The following DGKQ variants were observed in gnomAD, a reference collection of about 807,000 sequenced individuals.
DGKQ encodes diacylglycerol kinase theta, also known as DAG kinase theta.
A neutral mutation model predicts 104.2 loss-of-function variants in DGKQ; 97 were observed. That is an observed-to-expected ratio of 0.93 (90% CI 0.79 to 1.10). DGKQ has a LOEUF of 1.10. Among genes scored for constraint, DGKQ ranks in the 50% least tolerant of loss-of-function variants. The probability of loss-of-function intolerance (pLI) is 0.00; values close to 1 mark genes in which losing one functional copy is unlikely to be tolerated. For synonymous variants in DGKQ, 736 were observed against 595.2 expected (o/e 1.24, Z -3.44); for missense variants, 1,465 against 1,352.1 (o/e 1.08, Z -1.31).
intron 20 of DGKQ, 22 bp downstream of exon 20, chr4:961,666 G>C (rs754207759): frequency 1.9e-6 from 3 of 1,611,816 alleles, no homozygotes; most frequent in African/African-American, 2.7e-5. Context: ...CAGAGCCTCT[G>C]GGGAGCCCCG....
intron 2 of DGKQ, 80 bp downstream of exon 2, chr4:970,913 A>T: frequency 1.8e-6 from 2 of 1,120,878 alleles, no homozygotes; most frequent in East Asian, 2.6e-5. Context: ...TCTGACATGA[A>T]GGTTTTCAGT....
rs759615805 is a variant in DGKQ at position 966,818 on chromosome 4, T to A, written c.1312-16A>T. The A allele has an allele frequency of 1.8e-5, 29 of 1,606,316 alleles. No individual in the cohort carries two copies. The highest frequency in any genetic ancestry group is 2.2e-5 in the Non-Finnish European group (26 of 1,177,090). Reference sequence around the variant, plus strand: ...GACTCTCGGCCTGTTGGGGTAGAGCTTGGCATCGGGTCTGGGCAGGCCCCC... The same window carrying A: ...GACTCTCGGCCTGTTGGGGTAGAGCATGGCATCGGGTCTGGGCAGGCCCCC... On this transcript the variant is annotated splice_polypyrimidine_tract_variant and intron_variant, in intron 10 of 22. Transcript: ENST00000273814.
rs1006617207 is a variant in DGKQ, at chr4:961,357, C to A, written c.2574+110G>T. 1.2e-5 allele frequency: 15 copies of A among 1,290,158 alleles called. No homozygotes were observed. The East Asian group carries it at 3.5e-4, about 30-fold the overall frequency. The allele number at this position is 1,290,158 out of a possible 1,614,324, so 79.9% of individuals were successfully genotyped here. ...GAGGCCAGCCGGGCTCAGCGGGGAC[C>A]GGGGACGCCCACCCTGGACCTGGCC... is the stretch of plus-strand genomic sequence containing the variant. On this transcript the variant is annotated intron_variant, in intron 21 of 22. Coordinates refer to ENST00000273814, the MANE Select transcript of DGKQ (RefSeq NM_001347.4).
chr4:968,645 C>T (rs1055981759), intron 3 of DGKQ, 81 bp from the exon 4 acceptor site: 13 of 1,433,304 alleles, frequency 9.1e-6, no homozygotes, highest in African/African-American at 1.4e-5. Context: ...TGCCCCATCC[C>T]CACCACCTAG....
Position 971,792 on chromosome 4 carries a change from G to T in DGKQ, c.272-720C>A, listed in dbSNP as rs1463769629. ...GGCTGCGGGGGCTGGGAGTGGGCAG[G>T]GCACCCAGTGACACAACTGCCAAGA... is the stretch of plus-strand genomic sequence containing the variant. On this transcript the variant is annotated intron_variant, in intron 1 of 22. Transcript: ENST00000273814. The surrounding 1 kb of genome is among the most constrained non-coding windows in gnomAD (Gnocchi z 4.0). Among the ~76,000 whole-genome samples the T allele has an allele frequency of 1.3e-5, 2 of 152,234 alleles. No individual in the cohort carries two copies. Among genetic ancestry groups the T allele is most frequent in the East Asian group, 3.9e-4 (2 of 5,174 alleles).
At chr4:968,171 G>C in intron 5 of DGKQ, 111 bp downstream of exon 5, 1 of 697,914 alleles carries the variant, frequency 1.4e-6, no homozygotes, top group Non-Finnish European at 2.1e-6. Flanking sequence ...GCACCCACCT[G>C]GAACCCGCGC....
intron 15 of DGKQ, among the ~76,000 whole-genome samples, chr4:963,842 A>G (rs576246074): frequency 6.6e-6 from 1 of 152,298 alleles, no homozygotes; most frequent in East Asian, 1.9e-4. Context: ...GTACCCAGGG[A>G]TCTAGACACA....
chr4:967,997 G>C lies in DGKQ; in HGVS notation c.694C>G (p.Pro232Ala), dbSNP rs941315101. Residue 232 changes from proline (P) to alanine (A), a missense_variant, in exon 6 of 23, where the codon CCC (proline) becomes GCC (alanine). Physicochemically the swap from Pro to Ala is conservative, Grantham distance 27. Transcript: ENST00000273814. Reference sequence around the variant, plus strand: ...CGCAGACGCCCGAAGCCACACTCGGGAGCCAGCGCCGCGGAGCAGAGGGAG... The same window carrying C: ...CGCAGACGCCCGAAGCCACACTCGGCAGCCAGCGCCGCGGAGCAGAGGGAG... ...AHSLCSAALA[P>A]ECGFGRLRSL... 16 of 1,462,994 alleles carry C rather than the reference G, an allele frequency of 1.1e-5. No individual in the cohort carries two copies. The East Asian group carries it at 4.3e-4, about 39-fold the overall frequency. The allele number at this position is 1,462,994 out of a possible 1,614,324, so 90.6% of individuals were successfully genotyped here.
chr4:967,898 C>T lies in DGKQ; in HGVS notation c.793G>A (p.Val265Met), dbSNP rs1159111736. The change falls in exon 6 of 23, where the codon GTG becomes ATG. Residue 265 changes from valine (V) to methionine (M), a missense_variant. Val to Met is a conservative substitution (Grantham distance 21). Transcript: ENST00000273814. ...ACCTCACCCGGCTCCGCGGCCTCCA[C>T]GATGCGGAAGCTCTGCGTCTTGCTG... ...GFSKTQSFRI[V>M]EAAEPGEGGD... The T allele has an allele frequency of 6.9e-6, 10 of 1,451,920 alleles. No individual in the cohort carries two copies. The highest frequency in any genetic ancestry group is 9.0e-6 in the Non-Finnish European group (10 of 1,110,286). 89.9% of individuals were successfully genotyped at this position (1,451,920 alleles called of 1,614,324 possible). A position where few individuals can be genotyped will look rare whatever the true frequency, so the allele number is the denominator to read the frequency against.
chr4:965,638 G>A (rs1218342935), intron 13 of DGKQ, 109 bp from the exon 14 acceptor site: 2 of 1,283,334 alleles, frequency 1.6e-6, no homozygotes, highest in Admixed American at 2.1e-5. Flanking sequence ...CCCAAAGGCA[G>A]CCTCCCCAGG....
chr4:968,432 C>A, intron 4 of DGKQ, 25 bp from the exon 5 acceptor site: 1 of 1,587,524 alleles, frequency 6.3e-7, no homozygotes, highest in Non-Finnish European at 8.6e-7. Context: ...CAGTCAGCAG[C>A]TGGGCCCGCC....
chr4:963,057 C>T, intron 16 of DGKQ, 82 bp downstream of exon 16: 1 of 1,493,470 alleles, frequency 6.7e-7, no homozygotes, highest in East Asian at 2.4e-5. Flanking sequence ...GGAGCTCCTG[C>T]CGGCCGAGAC....
In DGKQ at chr4:967,963, A is replaced by G; in HGVS notation, c.728T>C (p.Val243Ala). Reference protein sequence around the residue: ...ECGFGRLRSLVLPPACVRLLP... With the variant: ...ECGFGRLRSLALPPACVRLLP... ...AAGGCGCACGCACGCGGGAGGCAGG[A>G]CCAGGGAGCGCAGACGCCCGAAGCC... The change falls in exon 6 of 23, where the codon GTC (valine) becomes GCC (alanine). Residue 243 changes from valine (V) to alanine (A), a missense_variant. Val to Ala is a moderately conservative substitution (Grantham distance 64, BLOSUM62 0). Transcript: ENST00000273814. 1.3e-6 allele frequency: 2 copies of G among 1,487,426 alleles called. No individual in the cohort carries two copies. The highest frequency in any genetic ancestry group is 1.8e-6 in the Non-Finnish European group (2 of 1,126,928). The allele number at this position is 1,487,426 out of a possible 1,614,324, so 92.1% of individuals were successfully genotyped here. A position where few individuals can be genotyped will look rare whatever the true frequency, so the allele number is the denominator to read the frequency against.
At chr4:972,844 G>GA (rs1713042027) in intron 1 of DGKQ, among the ~76,000 whole-genome samples, 1 of 152,218 alleles carries the variant, frequency 6.6e-6, no homozygotes, top group Non-Finnish European at 1.5e-5. Context: ...CACAGCATGA[G>GA]AAGGGCTAGG....
Position 966,096 on chromosome 4 carries a change from G to T in DGKQ, c.1429-18C>A, listed in dbSNP as rs765590591. 1 of 1,585,464 alleles carries T rather than the reference G, an allele frequency of 6.3e-7. No individual in the cohort carries two copies. The highest frequency in any genetic ancestry group is 1.1e-5 in the South Asian group (1 of 87,542). On this transcript the variant is annotated intron_variant, in intron 12 of 22. Coordinates refer to ENST00000273814, the MANE Select transcript of DGKQ (RefSeq NM_001347.4). ...ACAGACATCTGCAGGGAGAGGGGCGGGGATGCTGGGCCGGGGAGAACGGCA... is the reference window on the plus strand; with the variant it reads ...ACAGACATCTGCAGGGAGAGGGGCGTGGATGCTGGGCCGGGGAGAACGGCA...
In DGKQ at chr4:967,572, G is replaced by A. The variant is rs781004784; in HGVS notation, c.964C>T (p.Leu322=). 2 of 1,612,644 alleles carry A rather than the reference G, an allele frequency of 1.2e-6. No individual in the cohort carries two copies. Among genetic ancestry groups the A allele is most frequent in the South Asian group, 1.1e-5 (1 of 91,084 alleles). ...SQFRLVTVSR[L]AGAEEVLEAA... ...ACCAGCACCTCCTCGGCACCGGCCA[G>A]GCGGGACACCGTGACGAGGCGGAAC... is the stretch of plus-strand genomic sequence containing the variant. The change falls in exon 8 of 23, where the codon CTG becomes TTG. Residue 322 remains leucine, a synonymous_variant. Transcript: ENST00000273814.
At chr4:965,797 T>C (rs1276199856) in intron 13 of DGKQ, 131 bp downstream of exon 13, 1 of 1,089,340 alleles carries the variant, frequency 9.2e-7, no homozygotes, top group Non-Finnish European at 1.3e-6. Flanking sequence ...GGAAGAGACG[T>C]GGGCTGGACC....
Position 968,365 on chromosome 4 carries a change from C to T in DGKQ, c.580G>A (p.Gly194Arg), listed in dbSNP as rs1386528346. The T allele has an allele frequency of 6.4e-7, 1 of 1,557,122 alleles. No individual in the cohort carries two copies. Among genetic ancestry groups the T allele is most frequent in the South Asian group, 1.2e-5 (1 of 84,966 alleles). Residue 194 changes from glycine (G) to arginine (R), a missense_variant, in exon 5 of 23, where the codon GGA (glycine) becomes AGA (arginine). Coordinates refer to ENST00000273814, the MANE Select transcript of DGKQ (RefSeq NM_001347.4). Reference sequence around the variant, plus strand: ...TTCCTGCAGACCTCGCAGCGCGCTCCCGAGGGCAGGTTCCCCTCCCGCCAG... The same window carrying T: ...TTCCTGCAGACCTCGCAGCGCGCTCTCGAGGGCAGGTTCCCCTCCCGCCAG... ...HHWREGNLPSGARCEVCRKTC... is the reference protein window; with the variant it reads ...HHWREGNLPSRARCEVCRKTC...
intron 15 of DGKQ, among the ~76,000 whole-genome samples, chr4:964,923 TC>T (rs1330901631): frequency 2.6e-5 from 4 of 151,614 alleles, no homozygotes; most frequent in African/African-American, 7.3e-5. Flanking sequence ...GGAGCTGGTA[TC>T]ACCTACTGGG....
Sources: gnomAD v4.1 joint callset for allele counts (sites outside exome capture counted in the v4.1 genomes callset) on GRCh38, gnomAD v4.1.1 for gene constraint, Gnocchi (gnomAD v3.1) non-coding constraint, MANE v1.5 for transcripts, NCBI Gene and HGNC (gene_info 2026-07-23, HGNC 2026-07-21) for gene names.